PDZRN4: variants seen among roughly 807,000 people sequenced by gnomAD.
The protein encoded by PDZRN4 is PDZ domain containing ring finger 4, also known as PDZ domain-containing RING finger protein 4.
PDZRN4 carries 70 observed loss-of-function variants against 99.0 expected under a neutral mutation model. That is an observed-to-expected ratio of 0.71 (90% CI 0.58 to 0.86). PDZRN4 has a LOEUF of 0.86. PDZRN4 is among the 40% of genes least tolerant of loss of function. The pLI is 0.00. For synonymous variants in PDZRN4, 551 were observed against 501.6 expected, an observed-to-expected ratio of 1.10 and a Z score of -1.32; for missense variants, 1,474 against 1,331.2, an observed-to-expected ratio of 1.11 and a Z score of -1.67.
intron 3 of PDZRN4, among the ~76,000 whole-genome samples, chr12:41,504,160 T>C (rs1259220402): frequency 6.6e-6 from 1 of 152,074 alleles, no homozygotes; most frequent in East Asian, 1.9e-4. Flanking sequence ...CCCCAGCTAC[T>C]TGGGTGGCTG....
chr12:41,404,855 C>CA (rs34242228), intron 3 of PDZRN4, among the ~76,000 whole-genome samples: 60,470 of 151,536 alleles, frequency 0.4, 12,187 homozygotes, highest in South Asian at 0.47. Flanking sequence ...TCAACAAGAC[C>CA]AAAAAAACAA....
At chr12:41,316,203 T>C (rs1033772558) in intron 3 of PDZRN4, among the ~76,000 whole-genome samples, 1 of 152,134 alleles carries the variant, frequency 6.6e-6, no homozygotes, top group African/African-American at 2.4e-5. Flanking sequence ...ATTATTACAA[T>C]GTTTCTATTT....
At chr12:41,302,584 G>A (rs1394638106) in intron 3 of PDZRN4, among the ~76,000 whole-genome samples, 1 of 152,080 alleles carries the variant, frequency 6.6e-6, no homozygotes, top group East Asian at 1.9e-4. Context: ...TAGGGAGTGG[G>A]TAATAGAATC....
chr12:41,481,123 T>A (rs761506543), intron 3 of PDZRN4, among the ~76,000 whole-genome samples: 1 of 152,128 alleles, frequency 6.6e-6, no homozygotes, highest in Non-Finnish European at 1.5e-5. Flanking sequence ...TTTCCCATAA[T>A]GCCTCATATT....
intron 3 of PDZRN4, among the ~76,000 whole-genome samples, chr12:41,287,392 G>A (rs11180646): frequency 0.076 from 11,561 of 152,192 alleles, 545 homozygotes; most frequent in African/African-American, 0.13. Flanking sequence ...AAAGAAACTT[G>A]CCCTTATTAA....
intron 3 of PDZRN4, among the ~76,000 whole-genome samples, chr12:41,201,706 C>G (rs1950817118): frequency 6.6e-6 from 1 of 152,072 alleles, no homozygotes; most frequent in African/African-American, 2.4e-5. Context: ...TCTCCTGTAA[C>G]ATCCGATTCC....
intron 3 of PDZRN4, among the ~76,000 whole-genome samples, chr12:41,451,470 T>C (rs1952773373): frequency 6.6e-6 from 1 of 152,210 alleles, no homozygotes; most frequent in Non-Finnish European, 1.5e-5. Flanking sequence ...ACAAAGAAGT[T>C]GCCTTACAAA....
intron 3 of PDZRN4, among the ~76,000 whole-genome samples, chr12:41,296,266 C>T (rs1040188030): frequency 3.3e-5 from 5 of 152,088 alleles, no homozygotes; most frequent in African/African-American, 9.7e-5. Flanking sequence ...ATGGCTTTAC[C>T]AATGCAATTC....
At chr12:41,417,062 G>C (rs1015095679) in intron 3 of PDZRN4, among the ~76,000 whole-genome samples, 3 of 152,060 alleles carry the variant, frequency 2.0e-5, no homozygotes, top group Non-Finnish European at 4.4e-5. Flanking sequence ...TCTGTTTATG[G>C]CTTTTAGATT....
At chr12:41,544,120 TAA>T (rs371541125) in intron 5 of PDZRN4, among the ~76,000 whole-genome samples, 144 of 152,354 alleles carry the variant, frequency 9.5e-4, no homozygotes, top group African/African-American at 3.3e-3. Flanking sequence ...TGGTACATAA[TAA>T]GTTTCCAAGT....
At chr12:41,444,913 T>C (rs1366275920) in intron 3 of PDZRN4, among the ~76,000 whole-genome samples, 1 of 152,050 alleles carries the variant, frequency 6.6e-6, no homozygotes, top group Non-Finnish European at 1.5e-5. Flanking sequence ...GTCAGAGTGG[T>C]TTTGATATGC....
intron 3 of PDZRN4, among the ~76,000 whole-genome samples, chr12:41,429,245 A>T (rs1334220375): frequency 1.3e-5 from 2 of 152,294 alleles, no homozygotes; most frequent in African/African-American, 4.8e-5. Flanking sequence ...CTTAAAACAG[A>T]GATGTAAAAT....
intron 3 of PDZRN4, among the ~76,000 whole-genome samples, chr12:41,436,812 G>A (rs542857988): frequency 6.0e-4 from 92 of 152,166 alleles, no homozygotes; most frequent in African/African-American, 2.2e-3. Context: ...GTTCACCTTT[G>A]ATCATTATGA....
chr12:41,207,190 A>G (rs920418719), intron 3 of PDZRN4, among the ~76,000 whole-genome samples: 1 of 151,764 alleles, frequency 6.6e-6, no homozygotes, highest in African/African-American at 2.4e-5. Context: ...TATAATGCAT[A>G]TCTTTTCTTA....
intron 3 of PDZRN4, chr12:41,473,579 A>G (rs771370299): frequency 1.3e-4 from 20 of 152,190 alleles, no homozygotes; most frequent in Non-Finnish European, 2.4e-4. Flanking sequence ...CATGGGCCCC[A>G]TGGAAACTGC....
chr12:41,243,836 C>A (rs1415536829), intron 3 of PDZRN4, among the ~76,000 whole-genome samples: 1 of 151,962 alleles, frequency 6.6e-6, no homozygotes, highest in Non-Finnish European at 1.5e-5. Context: ...ACATGATATC[C>A]CTATAACTAA....
At chr12:41,569,636 A>G (rs1425150942) in intron 9 of PDZRN4, among the ~76,000 whole-genome samples, 2 of 152,206 alleles carry the variant, frequency 1.3e-5, no homozygotes, top group East Asian at 3.8e-4. Flanking sequence ...CAGCACAAAC[A>G]TTCTATCACT....
intron 4 of PDZRN4, 91 bp from the exon 5 acceptor site, chr12:41,509,720 A>C: frequency 1.5e-6 from 1 of 652,190 alleles, no homozygotes; most frequent in Non-Finnish European, 2.7e-6. Context: ...ATTCCAAAGC[A>C]GAGCAAACTA....
chr12:41,209,908 T>C, intron 3 of PDZRN4, among the ~76,000 whole-genome samples: 1 of 148,710 alleles, frequency 6.7e-6, no homozygotes, highest in Non-Finnish European at 1.5e-5. Flanking sequence ...TCTAGATCCC[T>C]GAGGAATCAC....
Sources: allele counts gnomAD v4.1 joint callset (sites outside exome capture counted in the v4.1 genomes callset), GRCh38; gene constraint gnomAD v4.1.1; transcripts MANE v1.5; gene names NCBI Gene and HGNC (gene_info 2026-07-23, HGNC 2026-07-21).